Variants in MVB12B observed in about 807,000 individuals in gnomAD.
MVB12B encodes the protein ESCRT-I complex subunit MVB12B.
Under a neutral mutation model 41.6 loss-of-function variants are expected in MVB12B, and 16 were observed. The ratio of observed to expected loss-of-function variants is 0.38; its 90% CI spans 0.26 to 0.58. The LOEUF (loss-of-function observed/expected upper bound fraction) is 0.58. MVB12B is among the 20% of genes least tolerant of loss of function. MVB12B has a pLI of 0.62. For missense variants in MVB12B, 274 were observed against 380.2 expected (o/e 0.72, Z 2.32); for synonymous variants, 133 against 139.7 (o/e 0.95, Z 0.34).
At chr9:126,433,316 C>T (rs76865556) in intron 7 of MVB12B, among the ~76,000 whole-genome samples, 11 of 149,994 alleles carry the variant, frequency 7.3e-5, no homozygotes, top group African/African-American at 2.8e-4. Flanking sequence ...GGTATCCCCT[C>T]TGATACACCA....
At position 126,386,286 on chromosome 9, in the gene MVB12B, G is replaced by A. The variant is rs1830790221; in HGVS notation, c.313-276G>A. 6.6e-6 allele frequency among the ~76,000 whole-genome samples: 1 copy of A among 152,132 alleles called. No homozygotes were observed. On this transcript the variant is annotated intron_variant, in intron 3 of 9. Coordinates refer to ENST00000361171, the MANE Select transcript of MVB12B (RefSeq NM_033446.3). The surrounding 1 kb of genome is among the most constrained non-coding windows in gnomAD (Gnocchi z 4.3). ...CTGTGTGCACAGCTGCCCTCTGCTG[G>A]GTTATGTCTAAAGCATCTCCTGGGT...
chr9:126,474,461 G>T (rs1039709527), intron 7 of MVB12B, among the ~76,000 whole-genome samples: 5 of 152,170 alleles, frequency 3.3e-5, no homozygotes, highest in Admixed American at 3.3e-4. Flanking sequence ...CAAACCTCTA[G>T]ATGTTTTAAA....
intron 2 of MVB12B, among the ~76,000 whole-genome samples, chr9:126,352,733 A>G (rs1588097201): frequency 6.6e-6 from 1 of 152,306 alleles, no homozygotes; most frequent in East Asian, 1.9e-4. Flanking sequence ...AGATTAGGGA[A>G]AAGTATATTT....
chr9:126,334,317 T>C (rs906634722), intron 1 of MVB12B, among the ~76,000 whole-genome samples: 4 of 152,112 alleles, frequency 2.6e-5, no homozygotes, highest in Admixed American at 6.5e-5. Flanking sequence ...TACCTCTGAG[T>C]CTCAGGAGAA....
At chr9:126,364,180 A>C (rs1249016737) in intron 2 of MVB12B, among the ~76,000 whole-genome samples, 4 of 152,222 alleles carry the variant, frequency 2.6e-5, no homozygotes, top group Non-Finnish European at 5.9e-5. Context: ...TTGAAATGCA[A>C]TTACAGCTGG....
intron 7 of MVB12B, among the ~76,000 whole-genome samples, chr9:126,461,131 A>G (rs1833079367): frequency 6.6e-6 from 1 of 152,190 alleles, no homozygotes; most frequent in Non-Finnish European, 1.5e-5. Flanking sequence ...CCTCATAAGG[A>G]AGAGAAGTCC....
At chr9:126,361,384 T>G (rs1044668777) in intron 2 of MVB12B, among the ~76,000 whole-genome samples, 21 of 152,232 alleles carry the variant, frequency 1.4e-4, no homozygotes, top group African/African-American at 5.1e-4. Flanking sequence ...GCATACATTT[T>G]TTTTCTACGT....
intron 6 of MVB12B, among the ~76,000 whole-genome samples, chr9:126,413,849 T>TGTGTGCGTGTGTGTGC (rs1554776184): frequency 2.0e-5 from 3 of 148,516 alleles, no homozygotes; most frequent in African/African-American, 7.5e-5. Context: ...TGTGTGTGTG[T>TGTGTGCGTGTGTGTGC]GTGTATAAGG....
intron 7 of MVB12B, among the ~76,000 whole-genome samples, chr9:126,467,357 G>A (rs977004455): frequency 9.2e-5 from 14 of 152,200 alleles, no homozygotes; most frequent in African/African-American, 3.1e-4. Flanking sequence ...GCATCCTGTT[G>A]GGAGGCCCAC....
intron 6 of MVB12B, among the ~76,000 whole-genome samples, chr9:126,397,894 TG>T (rs894491752): frequency 2.0e-4 from 31 of 152,078 alleles, no homozygotes; most frequent in African/African-American, 7.5e-4. Context: ...TCCCCTCTGG[TG>T]GGGAGCAGTG....
chr9:126,502,543 C>A (rs1473565720), intron 9 of MVB12B, among the ~76,000 whole-genome samples: 1 of 152,028 alleles, frequency 6.6e-6, no homozygotes, highest in Non-Finnish European at 1.5e-5. Flanking sequence ...AAGGTCCCCC[C>A]ACCGGGCAGC....
In MVB12B at chr9:126,468,052, T is replaced by TA. The variant is rs1481001752; in HGVS notation, c.758-13313dup. ...TATGTATCTGTCTACAACTACATATTAAAACCGACTTTATAATGATACATC... is the reference window on the plus strand; with the variant it reads ...TATGTATCTGTCTACAACTACATATTAAAAACCGACTTTATAATGATACATC... On this transcript the variant is annotated intron_variant, in intron 7 of 9. Coordinates refer to ENST00000361171, the MANE Select transcript of MVB12B (RefSeq NM_033446.3). This position sits in a 1 kb window ranked among gnomAD's most constrained non-coding sequence, Gnocchi z 4.3. 1.3e-5 allele frequency among the ~76,000 whole-genome samples: 2 copies of TA among 152,228 alleles called. No homozygotes were observed. Among genetic ancestry groups the TA allele is most frequent in the African/African-American group, 2.4e-5 (1 of 41,466 alleles).
rs1564322121 is a variant in MVB12B at position 126,420,930 on chromosome 9, T to C, written c.663-924T>C. 3.3e-5 allele frequency among the ~76,000 whole-genome samples: 5 copies of C among 152,210 alleles called. No individual in the cohort carries two copies. The South Asian group carries it at 1.0e-3, about 32-fold the overall frequency. Reference sequence around the variant, plus strand: ...ACCTAGTAATTGACCACTTACTTTATGTGATAAGTGTTCCCTCCAGCAGTC... The same window carrying C: ...ACCTAGTAATTGACCACTTACTTTACGTGATAAGTGTTCCCTCCAGCAGTC... On this transcript the variant is annotated intron_variant, in intron 6 of 9. Transcript: ENST00000361171.
At position 126,420,313 on chromosome 9, in the gene MVB12B, C is replaced by T. The variant is rs563719531; in HGVS notation, c.663-1541C>T. Among the ~76,000 whole-genome samples, 5 of 152,342 alleles carry T rather than the reference C, an allele frequency of 3.3e-5. No individual in the cohort carries two copies. In the South Asian group the frequency reaches 8.3e-4, roughly 25 times the overall value. On this transcript the variant is annotated intron_variant, in intron 6 of 9. Coordinates refer to ENST00000361171, the MANE Select transcript of MVB12B (RefSeq NM_033446.3). ...TTCCCTCCATGCACGCCAGTGCACC[C>T]GGTGGACACACTTACAGTGCATGTG...
chr9:126,421,064 T>C (rs756178574), intron 6 of MVB12B, among the ~76,000 whole-genome samples: 50 of 152,158 alleles, frequency 3.3e-4, no homozygotes, highest in Non-Finnish European at 4.1e-4. Flanking sequence ...TTTCCCCCAG[T>C]CCTGTTGGGT....
At chr9:126,435,550 G>T (rs1328349563) in intron 7 of MVB12B, among the ~76,000 whole-genome samples, 2 of 151,560 alleles carry the variant, frequency 1.3e-5, no homozygotes, top group Non-Finnish European at 2.9e-5. Flanking sequence ...GATCATATCG[G>T]CACTCAACCC....
intron 6 of MVB12B, among the ~76,000 whole-genome samples, chr9:126,411,186 T>A (rs1429745212): frequency 6.6e-6 from 1 of 152,186 alleles, no homozygotes; most frequent in African/African-American, 2.4e-5. Flanking sequence ...CACACCCAGT[T>A]ATTTCTTTTT....
At chr9:126,471,417 G>C (rs944401178) in intron 7 of MVB12B, among the ~76,000 whole-genome samples, 1 of 152,200 alleles carries the variant, frequency 6.6e-6, no homozygotes, top group Non-Finnish European at 1.5e-5. Flanking sequence ...GGGGGACTCG[G>C]GAGGCTCCGG....
chr9:126,429,592 C>G (rs577109013), intron 7 of MVB12B, among the ~76,000 whole-genome samples: 80 of 152,334 alleles, frequency 5.3e-4, no homozygotes, highest in African/African-American at 1.8e-3. Flanking sequence ...ATGAATGTGG[C>G]ATTTACTGTG....
Sources: gnomAD v4.1 joint callset for allele counts (sites outside exome capture counted in the v4.1 genomes callset) on GRCh38, gnomAD v4.1.1 for gene constraint, Gnocchi (gnomAD v3.1) non-coding constraint, MANE v1.5 for transcripts, NCBI Gene and HGNC (gene_info 2026-07-23, HGNC 2026-07-21) for gene names.